The following CLCN3 variants were observed in gnomAD, a reference collection of about 807,000 sequenced individuals.
CLCN3 encodes the protein H(+)/Cl(-) exchange transporter 3.
A neutral mutation model predicts 83.4 loss-of-function variants in CLCN3; 16 were observed. That is an observed-to-expected ratio of 0.19 (90% CI 0.13 to 0.29). CLCN3 has a LOEUF of 0.29. CLCN3 is among the 10% of genes least tolerant of loss of function. The probability of loss-of-function intolerance (pLI) is 1.00; values close to 1 mark genes in which losing one functional copy is unlikely to be tolerated. For missense variants in CLCN3, 544 were observed against 1,006.0 expected, an observed-to-expected ratio of 0.54 and a Z score of 6.21; for synonymous variants, 322 against 346.2, an observed-to-expected ratio of 0.93 and a Z score of 0.78.
intron 2 of CLCN3, among the ~76,000 whole-genome samples, chr4:169,673,416 T>C (rs1294848908): frequency 6.6e-6 from 1 of 152,240 alleles, no homozygotes; most frequent in Non-Finnish European, 1.5e-5. Flanking sequence ...AGAATAGCAG[T>C]CTGTACTTTT....
At chr4:169,677,567 C>T (rs1229876478) in intron 2 of CLCN3, among the ~76,000 whole-genome samples, 1 of 152,164 alleles carries the variant, frequency 6.6e-6, no homozygotes, top group Non-Finnish European at 1.5e-5. Context: ...GTTCTGCCCA[C>T]ATTGTGCATA....
Position 169,713,166 on chromosome 4 carries a change from C to T in CLCN3, c.2237C>T (p.Pro746Leu). Reference protein sequence around the residue: ...QHTPSLPAESPRPLKLRSILD... With the variant: ...QHTPSLPAESLRPLKLRSILD... ...ACCCCATCTCTTCCAGCAGAAAGTCCTCGGCCATTGAAGCTTCGAAGCATT... is the reference window on the plus strand; with the variant it reads ...ACCCCATCTCTTCCAGCAGAAAGTCTTCGGCCATTGAAGCTTCGAAGCATT... Residue 746 changes from proline to leucine, a missense_variant, in exon 12 of 13, where the codon CCT (proline) becomes CTT (leucine). Pro to Leu is a moderately conservative substitution (Grantham distance 98). This residue lies in a region of CLCN3 where 142 missense variants were observed against 225.0 expected (regional missense o/e 0.63). Coordinates refer to ENST00000513761, the MANE Select transcript of CLCN3 (RefSeq NM_001829.4). 1.2e-6 allele frequency: 2 copies of T among 1,614,106 alleles called. No homozygotes were observed. The highest frequency in any genetic ancestry group is 1.1e-5 in the South Asian group (1 of 91,074).
intron 11 of CLCN3, among the ~76,000 whole-genome samples, chr4:169,712,189 A>G (rs1733247587): frequency 6.6e-6 from 1 of 152,124 alleles, no homozygotes; most frequent in Non-Finnish European, 1.5e-5. Context: ...AACAAATATC[A>G]TATCTGTATA....
intron 8 of CLCN3, 98 bp from the exon 9 acceptor site, chr4:169,697,091 A>C: frequency 3.5e-6 from 3 of 867,226 alleles, no homozygotes. Flanking sequence ...ACTACAGCAA[A>C]ATTTAGAGCT....
chr4:169,623,338 G>A (rs1458433294), intron 1 of CLCN3, among the ~76,000 whole-genome samples: 4 of 151,990 alleles, frequency 2.6e-5, no homozygotes, highest in East Asian at 1.9e-4. Flanking sequence ...ATTTATACCC[G>A]CTGCCCCTGA....
chr4:169,671,527 G>T (rs1317238374), intron 2 of CLCN3, among the ~76,000 whole-genome samples: 1 of 152,084 alleles, frequency 6.6e-6, no homozygotes, highest in Non-Finnish European at 1.5e-5. Flanking sequence ...CGATGGGTTG[G>T]TAAGTGCAGC....
At chr4:169,708,720 A>C (rs900971004) in intron 11 of CLCN3, among the ~76,000 whole-genome samples, 1 of 152,134 alleles carries the variant, frequency 6.6e-6, no homozygotes, top group Admixed American at 6.6e-5. Context: ...TGTGTTTTTT[A>C]AAGTTTTGTT....
intron 3 of CLCN3, among the ~76,000 whole-genome samples, chr4:169,684,684 G>A (rs1319715454): frequency 6.6e-6 from 1 of 152,000 alleles, no homozygotes; most frequent in Non-Finnish European, 1.5e-5. Context: ...GTTACTTCTG[G>A]GTTGGCTATT....
In CLCN3 at chr4:169,706,983, T is replaced by C; in HGVS notation, c.1866T>C (p.Asp622=). Residue 622 remains aspartate (D), a synonymous_variant, in exon 11 of 13, where the codon GAT becomes GAC. Coordinates refer to ENST00000513761, the MANE Select transcript of CLCN3 (RefSeq NM_001829.4). ...AAVMTSKWVG[D]AFGREGIYEA... is the part of the protein sequence containing the mutation. ...TCATGACCAGTAAATGGGTTGGAGA[T>C]GCCTTTGGCAGGGAAGGCATTTATG... 1 of 1,614,186 alleles carries C rather than the reference T, an allele frequency of 6.2e-7. No individual in the cohort carries two copies. Among genetic ancestry groups the C allele is most frequent in the Non-Finnish European group, 8.5e-7 (1 of 1,180,026 alleles).
intron 2 of CLCN3, among the ~76,000 whole-genome samples, chr4:169,677,561 T>C (rs184562506): frequency 1.4e-3 from 219 of 152,350 alleles, no homozygotes; most frequent in African/African-American, 4.8e-3. Flanking sequence ...TAAGATGTTC[T>C]GCCCACATTG....
intron 1 of CLCN3, among the ~76,000 whole-genome samples, chr4:169,634,062 A>G (rs1029666329): frequency 6.6e-6 from 1 of 152,184 alleles, no homozygotes; most frequent in Non-Finnish European, 1.5e-5. Flanking sequence ...GTTACAAAGA[A>G]TGATCTGCAG....
chr4:169,686,437 G>T (rs538422806), intron 3 of CLCN3, among the ~76,000 whole-genome samples: 94 of 144,726 alleles, frequency 6.5e-4, no homozygotes, highest in Middle Eastern at 3.5e-3. Flanking sequence ...TTTTTTTTGA[G>T]ATGGAGTCTA....
chr4:169,649,707 A>G (rs982938012), intron 2 of CLCN3, among the ~76,000 whole-genome samples: 1 of 152,246 alleles, frequency 6.6e-6, no homozygotes, highest in Non-Finnish European at 1.5e-5. Context: ...TAATGGTTGC[A>G]TAATAATCAG....
chr4:169,621,240 T>C lies in CLCN3; in HGVS notation c.-17+177T>C, dbSNP rs565194596. ...TGATTAGGTATATACCCTCAGACAT[T>C]CTTTAAAATTTCACACATCTGCTTC... On this transcript the variant is annotated intron_variant, in intron 1 of 12. Coordinates refer to ENST00000513761, the MANE Select transcript of CLCN3 (RefSeq NM_001829.4). Among the ~76,000 whole-genome samples the C allele has an allele frequency of 5.9e-5, 9 of 152,318 alleles. No homozygotes were observed. The South Asian group carries it at 1.9e-3, about 32-fold the overall frequency.
Position 169,720,058 on chromosome 4 carries a change from C to G in CLCN3, c.*61C>G, listed in dbSNP as rs1379889874. On this transcript the variant is annotated 3_prime_UTR_variant, in exon 13 of 13. Transcript: ENST00000513761. ...GAAGTTTATTTGTTGAATAGCACAA[C>G]TCTTTAACCTGAGGGAGTCATCTAC... The G allele has an allele frequency of 6.3e-7, 1 of 1,596,142 alleles. No homozygotes were observed. The highest frequency in any genetic ancestry group is 8.5e-7 in the Non-Finnish European group (1 of 1,173,622).
chr4:169,624,428 C>T (rs539750075), intron 1 of CLCN3, among the ~76,000 whole-genome samples: 94 of 152,144 alleles, frequency 6.2e-4, no homozygotes, highest in Middle Eastern at 3.4e-3. Flanking sequence ...GCCACCGTGC[C>T]GAGCCAATTT....
chr4:169,689,328 A>T (rs949598829), intron 5 of CLCN3, 98 bp downstream of exon 5: 15 of 991,140 alleles, frequency 1.5e-5, no homozygotes, highest in Non-Finnish European at 2.2e-5. Flanking sequence ...AGATGATTAC[A>T]TACACATCAA....
At position 169,707,081 on chromosome 4, in the gene CLCN3, C is replaced by T. The variant is rs1467583867; in HGVS notation, c.1964C>T (p.Ala655Val). 14 of 1,614,034 alleles carry T rather than the reference C, an allele frequency of 8.7e-6. No individual in the cohort carries two copies. The highest frequency in any genetic ancestry group is 1.1e-5 in the Non-Finnish European group (13 of 1,179,946). ...GAATTCACTCATACCACCCTGGCTG[C>T]TGACGTTATGAGACCTCGAAGGAAT... Reference protein sequence around the residue: ...KEEFTHTTLAADVMRPRRNDP... With the variant: ...KEEFTHTTLAVDVMRPRRNDP... Residue 655 changes from alanine (A) to valine (V), a missense_variant, in exon 11 of 13, where the codon GCT (alanine) becomes GTT (valine). Ala to Val is a moderately conservative substitution (Grantham distance 64, BLOSUM62 0). Coordinates refer to ENST00000513761, the MANE Select transcript of CLCN3 (RefSeq NM_001829.4).
At chr4:169,670,159 G>A (rs770007281) in intron 2 of CLCN3, among the ~76,000 whole-genome samples, 3 of 152,096 alleles carry the variant, frequency 2.0e-5, no homozygotes, top group Non-Finnish European at 4.4e-5. Context: ...GGCTTTTGTC[G>A]CCATTGCTTT....
Sources: gnomAD v4.1 joint callset for allele counts (sites outside exome capture counted in the v4.1 genomes callset) on GRCh38, gnomAD v4.1.1 for gene constraint, gnomAD v4.1.1 regional missense constraint, MANE v1.5 for transcripts, NCBI Gene and HGNC (gene_info 2026-07-23, HGNC 2026-07-21) for gene names.